The following RPS6KA2 variants were observed in gnomAD, a reference collection of about 807,000 sequenced individuals.
RPS6KA2 encodes ribosomal protein S6 kinase alpha-2.
Under a neutral mutation model 91.8 loss-of-function variants are expected in RPS6KA2, and 42 were observed. The observed-to-expected ratio is 0.46, with a 90% CI of 0.36 to 0.59. The LOEUF (loss-of-function observed/expected upper bound fraction) is 0.59. Among genes scored for constraint, RPS6KA2 ranks in the 20% least tolerant of loss-of-function variants. The pLI is 0.00. For missense variants in RPS6KA2, 798 were observed against 978.5 expected, an observed-to-expected ratio of 0.82 and a Z score of 2.46; for synonymous variants, 414 against 393.6, an observed-to-expected ratio of 1.05 and a Z score of -0.61.
chr6:166,697,041 C>CTG (rs1354302759), intron 2 of RPS6KA2, among the ~76,000 whole-genome samples: 1 of 148,312 alleles, frequency 6.7e-6, no homozygotes, highest in African/African-American at 2.5e-5. Context: ...ACAATAAAAT[C>CTG]TGTGTGTGTA....
chr6:166,685,143 T>G (rs1788966483), intron 2 of RPS6KA2, among the ~76,000 whole-genome samples: 1 of 151,442 alleles, frequency 6.6e-6, no homozygotes, highest in Non-Finnish European at 1.5e-5. Context: ...GACATGACCC[T>G]GATGGAGTAT....
Position 166,418,342 on chromosome 6 carries a change from T to C in RPS6KA2, c.1821A>G (p.Gly607=). 6.2e-7 allele frequency: 1 copy of C among 1,606,768 alleles called. No individual in the cohort carries two copies. The highest frequency in any genetic ancestry group is 1.1e-5 in the South Asian group (1 of 89,890). ...CTGGCCCATTTGCAAAAGGGGTAAA[T>C]CTGTATAATTAGACAAATTTGTGGT... The part of the protein sequence containing the change: ...LGILLYTMLA[G]FTPFANGPDD... Residue 607 remains glycine (G), a splice_region_variant and synonymous_variant, in exon 19 of 21, where the codon GGA becomes GGG. Coordinates refer to ENST00000265678, the MANE Select transcript of RPS6KA2 (RefSeq NM_021135.6). The surrounding 1 kb of genome is among the most constrained non-coding windows in gnomAD (Gnocchi z 4.9).
At chr6:166,731,833 C>A (rs959430318) in intron 2 of RPS6KA2, among the ~76,000 whole-genome samples, 3 of 151,976 alleles carry the variant, frequency 2.0e-5, no homozygotes, top group African/African-American at 7.3e-5. Flanking sequence ...CTGTGTGGGG[C>A]GGTCCCATGG....
chr6:166,456,469 T>G (rs1329289820), intron 12 of RPS6KA2, among the ~76,000 whole-genome samples: 1 of 152,240 alleles, frequency 6.6e-6, no homozygotes, highest in African/African-American at 2.4e-5. Context: ...TTGTGGAGTC[T>G]GCCTGATCGG....
At chr6:166,442,879 A>G (rs1779564441) in intron 14 of RPS6KA2, among the ~76,000 whole-genome samples, 1 of 152,220 alleles carries the variant, frequency 6.6e-6, no homozygotes, top group African/African-American at 2.4e-5. Flanking sequence ...TGAATTAGCT[A>G]TGATATGTGT....
In RPS6KA2 at chr6:166,432,397, T is replaced by A; in HGVS notation, c.1422+4A>T. The A allele has an allele frequency of 1.3e-6, 2 of 1,599,900 alleles. No homozygotes were observed. The highest frequency in any genetic ancestry group is 1.7e-6 in the Non-Finnish European group (2 of 1,167,440). ...GGAGATGCTGTTGCACGGGGACCAC[T>A]CACATCCTTGAGGGTGATGATGTTC... On this transcript the variant is annotated splice_donor_region_variant and intron_variant, in intron 15 of 20. Coordinates refer to ENST00000265678, the MANE Select transcript of RPS6KA2 (RefSeq NM_021135.6).
Position 166,448,872 on chromosome 6 carries a change from A to G in RPS6KA2, c.1207-23T>C, listed in dbSNP as rs771914782. The G allele has an allele frequency of 4.3e-6, 7 of 1,612,798 alleles. No homozygotes were observed. Among genetic ancestry groups the G allele is most frequent in the Non-Finnish European group, 5.9e-6 (7 of 1,179,194 alleles). On this transcript the variant is annotated intron_variant, in intron 13 of 20. Transcript: ENST00000265678. This position sits in a 1 kb window ranked among gnomAD's most constrained non-coding sequence, Gnocchi z 4.7. ...CTGCTGCAGAGGGACCAAGAGAAGA[A>G]GAGTTGTCGGAACCCTCACACGAGG...
chr6:166,758,596 C>T (rs554224203), intron 2 of RPS6KA2, among the ~76,000 whole-genome samples: 6 of 152,312 alleles, frequency 3.9e-5, no homozygotes, highest in East Asian at 1.9e-4. Flanking sequence ...CTTGTTAATA[C>T]ATAAATAGCT....
intron 14 of RPS6KA2, among the ~76,000 whole-genome samples, chr6:166,439,730 A>G (rs73269288): frequency 0.041 from 6,268 of 152,266 alleles, 423 homozygotes; most frequent in African/African-American, 0.14. Context: ...CTTTGGGTGC[A>G]TATTTGTGTT....
chr6:166,548,951 C>A lies in RPS6KA2; in HGVS notation c.100-10167G>T, dbSNP rs116515460. On this transcript the variant is annotated intron_variant, in intron 1 of 20. Coordinates refer to ENST00000265678, the MANE Select transcript of RPS6KA2 (RefSeq NM_021135.6). Reference sequence around the variant, plus strand: ...CACACATCCAACAAAGGTTCTGCATCCATAATGTATAAGGAATTCTCCAAA... The same window carrying A: ...CACACATCCAACAAAGGTTCTGCATACATAATGTATAAGGAATTCTCCAAA... Among the ~76,000 whole-genome samples the A allele has an allele frequency of 6.7e-3, 1,015 of 152,310 alleles. 13 individuals are homozygous for A. Among genetic ancestry groups the A allele is most frequent in the African/African-American group, 0.023 (976 of 41,564 alleles).
chr6:166,597,336 G>A (rs1342659649), intron 1 of RPS6KA2, among the ~76,000 whole-genome samples: 2 of 152,194 alleles, frequency 1.3e-5, no homozygotes, highest in Non-Finnish European at 2.9e-5. Flanking sequence ...CTGAGGAGGT[G>A]GCAGTCACTG....
intron 11 of RPS6KA2, among the ~76,000 whole-genome samples, chr6:166,460,053 A>G (rs1161885705): frequency 1.3e-5 from 2 of 152,324 alleles, no homozygotes; most frequent in Admixed American, 1.3e-4. Context: ...GAGCCACCCC[A>G]GGGTGCTCTC....
chr6:166,550,796 ATC>A (rs1562573559), intron 1 of RPS6KA2, among the ~76,000 whole-genome samples: 6 of 152,050 alleles, frequency 3.9e-5, no homozygotes, highest in Admixed American at 2.6e-4. Flanking sequence ...AGGTCAGGAG[ATC>A]GACACCATCC....
rs529451187 is a variant in RPS6KA2, at chr6:166,697,063, G to T, written c.124-158279C>A. Among the ~76,000 whole-genome samples, 9 of 145,162 alleles carry T rather than the reference G, an allele frequency of 6.2e-5. No homozygotes were observed. In the East Asian group the frequency reaches 1.8e-3, roughly 28 times the overall value. On this transcript the variant is annotated intron_variant, in intron 2 of 21. Transcript: ENST00000503859. Reference sequence around the variant, plus strand: ...AATCTGTGTGTGTATATATATGTGTGTGTGTGTGTGTGTGTGTATTTGTAT... The same window carrying T: ...AATCTGTGTGTGTATATATATGTGTTTGTGTGTGTGTGTGTGTATTTGTAT...
At chr6:166,613,739 C>T (rs1018900179) in intron 1 of RPS6KA2, among the ~76,000 whole-genome samples, 5 of 152,202 alleles carry the variant, frequency 3.3e-5, no homozygotes, top group Admixed American at 3.3e-4. Flanking sequence ...TTATGTGAAA[C>T]ATTAGGGCTT....
At chr6:166,511,104 T>C (rs1430979189) in intron 3 of RPS6KA2, among the ~76,000 whole-genome samples, 8 of 152,214 alleles carry the variant, frequency 5.3e-5, no homozygotes, top group Admixed American at 5.2e-4. Flanking sequence ...AGGGGGTGCC[T>C]GCTGGGCTCA....
chr6:166,760,743 G>C (rs192695218), intron 2 of RPS6KA2, among the ~76,000 whole-genome samples: 75 of 152,368 alleles, frequency 4.9e-4, no homozygotes, highest in African/African-American at 1.7e-3. Flanking sequence ...GGGGAAAGAA[G>C]AATCGGATGG....
chr6:166,455,218 G>A (rs1001314004), intron 12 of RPS6KA2, among the ~76,000 whole-genome samples: 2 of 152,122 alleles, frequency 1.3e-5, no homozygotes, highest in African/African-American at 2.4e-5. Flanking sequence ...GGGGGTGGGA[G>A]GCAGCTGCAG....
intron 2 of RPS6KA2, among the ~76,000 whole-genome samples, chr6:166,824,840 T>C (rs1396825254): frequency 6.7e-6 from 1 of 150,294 alleles, no homozygotes; most frequent in Non-Finnish European, 1.5e-5. Flanking sequence ...TGTGTGTGTA[T>C]GCTTGTGTGT....
Sources: gnomAD v4.1 joint callset for allele counts (sites outside exome capture counted in the v4.1 genomes callset) on GRCh38, gnomAD v4.1.1 for gene constraint, Gnocchi (gnomAD v3.1) non-coding constraint, MANE v1.5 for transcripts, NCBI Gene and HGNC (gene_info 2026-07-23, HGNC 2026-07-21) for gene names.